Variants in RBFOX1 observed in about 807,000 individuals in gnomAD.
RBFOX1 encodes RNA binding fox-1 homolog 1.
Under a neutral mutation model 57.7 loss-of-function variants are expected in RBFOX1, and 8 were observed. The observed-to-expected ratio is 0.14, with a 90% CI of 0.08 to 0.25. The LOEUF (loss-of-function observed/expected upper bound fraction) is 0.25, where lower values mean the gene tolerates loss of function less well. Among genes scored for constraint, RBFOX1 ranks in the 10% least tolerant of loss-of-function variants. The pLI, the probability that RBFOX1 is intolerant of heterozygous loss-of-function variation, is 1.00. For missense variants in RBFOX1, 611 were observed against 548.5 expected, an observed-to-expected ratio of 1.11 and a Z score of -1.14; for synonymous variants, 326 against 222.4, an observed-to-expected ratio of 1.47 and a Z score of -4.15.
intron 3 of RBFOX1, among the ~76,000 whole-genome samples, chr16:6,971,486 AAGAGAG>A (rs200603021): frequency 3.6e-5 from 5 of 138,610 alleles, no homozygotes; most frequent in East Asian, 2.1e-4. Flanking sequence ...TTGCAATATG[AAGAGAG>A]AGAGAGAGAG....
intron 3 of RBFOX1, among the ~76,000 whole-genome samples, chr16:6,863,868 G>A (rs1033453415): frequency 6.6e-6 from 1 of 150,792 alleles, no homozygotes; most frequent in African/African-American, 2.4e-5. Context: ...GTTCTTTACT[G>A]GTATTTTGAA....
intron 3 of RBFOX1, among the ~76,000 whole-genome samples, chr16:5,677,358 G>T (rs2050198762): frequency 6.6e-6 from 1 of 152,214 alleles, no homozygotes; most frequent in African/African-American, 2.4e-5. Context: ...GTTTTGGGTA[G>T]TAAGGGCTAG....
intron 5 of RBFOX1, among the ~76,000 whole-genome samples, chr16:7,529,503 C>G (rs1157174791): frequency 6.6e-6 from 1 of 152,170 alleles, no homozygotes; most frequent in Admixed American, 6.5e-5. Context: ...ATCCATCCAT[C>G]CAATCATTGC....
chr16:6,867,580 G>T (rs926132236), intron 3 of RBFOX1, among the ~76,000 whole-genome samples: 1 of 152,068 alleles, frequency 6.6e-6, no homozygotes, highest in Non-Finnish European at 1.5e-5. Flanking sequence ...TTAGCCAGGC[G>T]TGGTGGTACC....
At chr16:5,435,963 A>T (rs1398903861) in intron 1 of RBFOX1, among the ~76,000 whole-genome samples, 3 of 152,208 alleles carry the variant, frequency 2.0e-5, no homozygotes, top group Admixed American at 6.5e-5. Flanking sequence ...AGGAATTTGA[A>T]GTCTTTGAAG....
intron 3 of RBFOX1, among the ~76,000 whole-genome samples, chr16:5,858,787 G>C (rs907276549): frequency 1.3e-5 from 2 of 152,202 alleles, no homozygotes; most frequent in East Asian, 3.8e-4. Flanking sequence ...TATCATCCAT[G>C]AATGGGCTCT....
At chr16:6,598,449 G>T (rs753640239) in intron 2 of RBFOX1, among the ~76,000 whole-genome samples, 1 of 152,126 alleles carries the variant, frequency 6.6e-6, no homozygotes, top group African/African-American at 2.4e-5. Context: ...TAATGTTCTT[G>T]TTATCTCCCA....
At chr16:6,564,860 G>T (rs930515525) in intron 2 of RBFOX1, among the ~76,000 whole-genome samples, 3 of 152,076 alleles carry the variant, frequency 2.0e-5, no homozygotes, top group East Asian at 1.9e-4. Context: ...AGCATTTGCG[G>T]CTGGGCACGG....
intron 3 of RBFOX1, among the ~76,000 whole-genome samples, chr16:6,994,062 A>G (rs1295697077): frequency 3.3e-5 from 5 of 152,180 alleles, no homozygotes; most frequent in African/African-American, 1.2e-4. Flanking sequence ...TTTAACAAAC[A>G]GGCCTTAGTG....
chr16:6,908,606 AT>A (rs1010759881), intron 3 of RBFOX1, among the ~76,000 whole-genome samples: 5 of 152,258 alleles, frequency 3.3e-5, no homozygotes, highest in African/African-American at 1.2e-4. Context: ...AACCCCCGTG[AT>A]TTAGGTGGAA....
At chr16:7,266,379 G>T (rs917920484) in intron 4 of RBFOX1, among the ~76,000 whole-genome samples, 1 of 152,086 alleles carries the variant, frequency 6.6e-6, no homozygotes, top group Non-Finnish European at 1.5e-5. Flanking sequence ...CTCACTTTCC[G>T]CCATGACGAA....
At chr16:6,023,475 T>G (rs559804795) in intron 1 of RBFOX1, among the ~76,000 whole-genome samples, 1 of 152,246 alleles carries the variant, frequency 6.6e-6, no homozygotes, top group Non-Finnish European at 1.5e-5. Context: ...TATAGGAATC[T>G]GACATTTCAC....
chr16:7,276,244 T>C (rs540406891), intron 4 of RBFOX1, among the ~76,000 whole-genome samples: 1 of 152,232 alleles, frequency 6.6e-6, no homozygotes, highest in Admixed American at 6.5e-5. Context: ...GCTGCAGACT[T>C]TGTGTCATGA....
chr16:7,174,330 T>C (rs945516432), intron 4 of RBFOX1, among the ~76,000 whole-genome samples: 11 of 152,346 alleles, frequency 7.2e-5, no homozygotes, highest in African/African-American at 2.6e-4. Flanking sequence ...TATTGATGGA[T>C]ACGTGGATTG....
rs1597317288 is a variant in RBFOX1 at position 7,650,613 on chromosome 16, C to G, written c.758-3202C>G. ...TCTGTTTCATGTTATATCTCAACAT[C>G]TAAATCCTCCAAGAATTATTGTAAA... On this transcript the variant is annotated intron_variant, in intron 11 of 15. Coordinates refer to ENST00000550418, the MANE Select transcript of RBFOX1 (RefSeq NM_018723.4). Among the ~76,000 whole-genome samples the G allele has an allele frequency of 2.0e-5, 3 of 152,190 alleles. No individual in the cohort carries two copies. In the East Asian group the frequency reaches 5.8e-4, roughly 29 times the overall value.
chr16:6,785,941 C>T (rs189491251), intron 3 of RBFOX1, among the ~76,000 whole-genome samples: 2 of 152,324 alleles, frequency 1.3e-5, no homozygotes, highest in East Asian at 3.9e-4. Flanking sequence ...TGTGTACATG[C>T]ATGTGACTTC....
chr16:7,470,343 A>G (rs1464620757), intron 4 of RBFOX1, among the ~76,000 whole-genome samples: 1 of 152,212 alleles, frequency 6.6e-6, no homozygotes, highest in African/African-American at 2.4e-5. Context: ...TTCCTGGTTC[A>G]TGTGACATGC....
intron 4 of RBFOX1, among the ~76,000 whole-genome samples, chr16:7,286,445 C>G (rs1319081502): frequency 1.4e-5 from 2 of 143,692 alleles, no homozygotes; most frequent in African/African-American, 2.6e-5. Flanking sequence ...TTGATACTTT[C>G]TTATTTTTTT....
chr16:7,399,003 A>G (rs2098190674), intron 4 of RBFOX1, among the ~76,000 whole-genome samples: 2 of 152,222 alleles, frequency 1.3e-5, no homozygotes, highest in Non-Finnish European at 2.9e-5. Flanking sequence ...GAAATAGTAG[A>G]CACTAGGAAC....
Sources: gnomAD v4.1 joint callset for allele counts (sites outside exome capture counted in the v4.1 genomes callset) on GRCh38, gnomAD v4.1.1 for gene constraint, MANE v1.5 for transcripts, NCBI Gene and HGNC (gene_info 2026-07-23, HGNC 2026-07-21) for gene names.